The following ANO3 variants were observed in gnomAD, a reference collection of about 807,000 sequenced individuals.
ANO3 encodes the protein anoctamin 3.
A neutral mutation model predicts 144.8 loss-of-function variants in ANO3; 99 were observed. That is an observed-to-expected ratio of 0.68 (90% CI 0.58 to 0.81). ANO3 has a LOEUF of 0.81. ANO3 is among the 30% of genes least tolerant of loss of function. The pLI, the probability that ANO3 is intolerant of heterozygous loss-of-function variation, is 0.00. For missense variants in ANO3, 905 were observed against 1,202.2 expected, an observed-to-expected ratio of 0.75 and a Z score of 3.66; for synonymous variants, 414 against 392.6, an observed-to-expected ratio of 1.05 and a Z score of -0.64.
chr11:26,317,156 C>A (rs890766653), intron 1 of ANO3, among the ~76,000 whole-genome samples: 2 of 151,980 alleles, frequency 1.3e-5, no homozygotes, highest in Non-Finnish European at 2.9e-5. Context: ...TGTGAAATAA[C>A]ATGGATGCAG....
chr11:26,447,509 C>G (rs988199212), intron 3 of ANO3, among the ~76,000 whole-genome samples: 4 of 152,052 alleles, frequency 2.6e-5, no homozygotes, highest in Non-Finnish European at 5.9e-5. Flanking sequence ...GCCACAAAGG[C>G]CTTAAGGTAA....
chr11:26,637,496 GTC>G (rs1280798152), intron 20 of ANO3, among the ~76,000 whole-genome samples: 4 of 152,162 alleles, frequency 2.6e-5, no homozygotes, highest in Non-Finnish European at 4.4e-5. Context: ...TTGCCTCTGA[GTC>G]TCTACAAAAA....
intron 24 of ANO3, 144 bp downstream of exon 24, chr11:26,648,000 G>A (rs1853403686): frequency 1.4e-6 from 1 of 732,302 alleles, no homozygotes; most frequent in Non-Finnish European, 2.0e-6. Context: ...GTGAAATCAA[G>A]CAAGGTAAAA....
intron 9 of ANO3, among the ~76,000 whole-genome samples, chr11:26,535,044 A>G (rs958458480): frequency 6.6e-6 from 1 of 152,212 alleles, no homozygotes; most frequent in Non-Finnish European, 1.5e-5. Context: ...TACAAAGTAT[A>G]TGACATAAGC....
intron 5 of ANO3, among the ~76,000 whole-genome samples, chr11:26,512,613 A>ACAT (rs1365300423): frequency 1.3e-5 from 2 of 152,226 alleles, no homozygotes; most frequent in African/African-American, 2.4e-5. Context: ...AAATCTCTAT[A>ACAT]CATTTTAAGA....
chr11:26,245,694 G>A (rs911956956), intron 1 of ANO3, among the ~76,000 whole-genome samples: 3 of 152,154 alleles, frequency 2.0e-5, no homozygotes, highest in Non-Finnish European at 4.4e-5. Context: ...TAGGATAAAT[G>A]GCATGCAAAT....
chr11:26,311,060 A>G (rs967157246), intron 1 of ANO3, among the ~76,000 whole-genome samples: 6 of 152,172 alleles, frequency 3.9e-5, no homozygotes, highest in African/African-American at 1.2e-4. Context: ...ATACTCAAAG[A>G]AAGGTGGTTT....
chr11:26,332,759 A>G (rs965161717), intron 1 of ANO3, among the ~76,000 whole-genome samples: 1 of 152,116 alleles, frequency 6.6e-6, no homozygotes, highest in Admixed American at 6.5e-5. Context: ...CATAAGATAA[A>G]TGAATTCTTG....
chr11:26,229,645 T>C lies in ANO3; in HGVS notation c.154+40315T>C, dbSNP rs189707770. On this transcript the variant is annotated intron_variant, in intron 1 of 27. Transcript: ENST00000672621. ...ATGCTAATCAACTCTTGCCTTTTTT[T>C]CTTTACTTTATGAACCATTGCTTCT... Among the ~76,000 whole-genome samples, 136 of 152,318 alleles carry C rather than the reference T, an allele frequency of 8.9e-4. 1 individual carries two copies. The East Asian group carries it at 0.024, about 27-fold the overall frequency.
chr11:26,247,921 G>A (rs529806990), intron 1 of ANO3, among the ~76,000 whole-genome samples: 221 of 151,408 alleles, frequency 1.5e-3, no homozygotes, highest in African/African-American at 4.9e-3. Flanking sequence ...TAGTAGAGAC[G>A]GGGGTTTCAC....
chr11:26,222,499 C>T (rs551663341), intron 1 of ANO3, among the ~76,000 whole-genome samples: 5 of 152,208 alleles, frequency 3.3e-5, no homozygotes, highest in Non-Finnish European at 7.3e-5. Context: ...CTAGGCAGTG[C>T]CCCACTGGAA....
At chr11:26,230,797 CAAAAAAAAAAAAAAA>C (rs1168180646) in intron 1 of ANO3, among the ~76,000 whole-genome samples, 57 of 11,316 alleles carry the variant, frequency 5.0e-3, no homozygotes, top group African/African-American at 8.3e-3. Context: ...ACTCCATCTC[CAAAAAAAAAAAAAAA>C]AAAAAAAAAA....
chr11:26,293,557 A>G lies in ANO3; in HGVS notation c.155-16088A>G, dbSNP rs183459336. On this transcript the variant is annotated intron_variant, in intron 1 of 27. Coordinates refer to the ANO3 transcript ENST00000672621. Reference sequence around the variant, plus strand: ...TGTATATATATATATATATATATATATATATATATATATATATATTCCTGT... The same window carrying G: ...TGTATATATATATATATATATATATGTATATATATATATATATATTCCTGT... Among the ~76,000 whole-genome samples, 725 of 134,884 alleles carry G rather than the reference A, an allele frequency of 5.4e-3. 49 individuals are homozygous for G. In the East Asian group the frequency reaches 0.11, roughly 20 times the overall value. The allele number at this position is 134,884 out of a possible 152,430, so 88.5% of individuals were successfully genotyped here.
At chr11:26,510,132 C>CAA (rs67543168) in intron 5 of ANO3, among the ~76,000 whole-genome samples, 82 of 46,026 alleles carry the variant, frequency 1.8e-3, no homozygotes, top group Middle Eastern at 0.013. Flanking sequence ...GACTCCATCT[C>CAA]AAAAAAAAAA....
At chr11:26,553,698 C>A (rs763899993) in intron 13 of ANO3, among the ~76,000 whole-genome samples, 2 of 152,044 alleles carry the variant, frequency 1.3e-5, no homozygotes, top group African/African-American at 2.4e-5. Context: ...ATACTTCTAT[C>A]GGTACGGAGA....
chr11:26,325,767 G>A (rs899153854), intron 1 of ANO3, among the ~76,000 whole-genome samples: 1 of 152,112 alleles, frequency 6.6e-6, no homozygotes, highest in Non-Finnish European at 1.5e-5. Context: ...AGGGGAAAAA[G>A]GAATAACCCC....
intron 1 of ANO3, among the ~76,000 whole-genome samples, chr11:26,263,604 T>C (rs951788697): frequency 6.6e-6 from 1 of 152,246 alleles, no homozygotes. Flanking sequence ...AATACTAAGA[T>C]GAATTTGTTT....
At chr11:26,320,894 A>C (rs1854743962) in intron 1 of ANO3, among the ~76,000 whole-genome samples, 1 of 152,074 alleles carries the variant, frequency 6.6e-6, no homozygotes, top group African/African-American at 2.4e-5. Context: ...AGCTCTCTGT[A>C]TTTTAGTAGA....
At position 26,590,982 on chromosome 11, in the gene ANO3, G is replaced by A. The variant is rs115466736; in HGVS notation, c.1448-7383G>A. Among the ~76,000 whole-genome samples, 22 of 152,250 alleles carry A rather than the reference G, an allele frequency of 1.4e-4. No homozygotes were observed. In the South Asian group the frequency reaches 3.5e-3, roughly 24 times the overall value. On this transcript the variant is annotated intron_variant, in intron 14 of 26. Transcript: ENST00000256737. ...CTCGAATGCCTAGGGTTTATATCCC[G>A]AATATTGTCCCTCCCCCACGCTCTC...
Sources: gnomAD v4.1 joint callset for allele counts (sites outside exome capture counted in the v4.1 genomes callset) on GRCh38, gnomAD v4.1.1 for gene constraint, MANE v1.5 for transcripts, NCBI Gene and HGNC (gene_info 2026-07-23, HGNC 2026-07-21) for gene names.